Variants in PIGK observed in about 807,000 individuals in gnomAD.
PIGK encodes GPI-anchor transamidase.
PIGK carries 42 observed loss-of-function variants against 50.6 expected under a neutral mutation model. That is an observed-to-expected ratio of 0.83 (90% CI 0.65 to 1.07). The LOEUF is 1.07. PIGK is among the 50% of genes least tolerant of loss of function. The probability of loss-of-function intolerance (pLI) is 0.00; values close to 1 mark genes in which losing one functional copy is unlikely to be tolerated. For synonymous variants in PIGK, 151 were observed against 156.0 expected, an observed-to-expected ratio of 0.97 and a Z score of 0.24; for missense variants, 448 against 488.7, an observed-to-expected ratio of 0.92 and a Z score of 0.78.
At chr1:77,142,817 G>A (rs922750144) in intron 9 of PIGK, among the ~76,000 whole-genome samples, 1 of 152,118 alleles carries the variant, frequency 6.6e-6, no homozygotes. Flanking sequence ...TTACAATCCA[G>A]ATGAGATTTG....
intron 9 of PIGK, among the ~76,000 whole-genome samples, chr1:77,144,198 C>T (rs960805456): frequency 2.0e-5 from 3 of 151,868 alleles, no homozygotes; most frequent in Non-Finnish European, 4.4e-5. Flanking sequence ...TCTGTTAACT[C>T]ATTTAGAATG....
intron 3 of PIGK, among the ~76,000 whole-genome samples, chr1:77,196,809 C>T (rs1656049182): frequency 6.6e-6 from 1 of 152,100 alleles, no homozygotes; most frequent in African/African-American, 2.4e-5. Context: ...TGTGCAAAAG[C>T]TCTTTATTTT....
At chr1:77,104,076 A>T (rs1328490110) in intron 10 of PIGK, among the ~76,000 whole-genome samples, 1 of 152,076 alleles carries the variant, frequency 6.6e-6, no homozygotes, top group African/African-American at 2.4e-5. Context: ...CTTAAGAGCA[A>T]TTCTTAAAGT....
intron 10 of PIGK, among the ~76,000 whole-genome samples, chr1:77,114,569 T>C (rs1653921882): frequency 6.6e-6 from 1 of 152,120 alleles, no homozygotes; most frequent in African/African-American, 2.4e-5. Flanking sequence ...AGGGATGTAA[T>C]GACAAATTTG....
In PIGK at chr1:77,166,738, AT is replaced by A. The variant is rs1655243268; in HGVS notation, c.467del (p.Asn156IlefsTer3). ...AATTACCTGTCATATAAATTAGAAT[AT>A]TGCTTCTGTCATCAGAAAGAAGACG... is the stretch of plus-strand genomic sequence containing the variant. ...SKRLLSDDRS[N>X]ILIYMTGHGG... is the part of the protein sequence containing the mutation. On this transcript the variant is annotated frameshift_variant, in exon 5 of 11. Coordinates refer to ENST00000370812, the MANE Select transcript of PIGK (RefSeq NM_005482.3). LOFTEE classifies it high-confidence loss of function. The A allele has an allele frequency of 6.5e-7, 1 of 1,548,960 alleles. No homozygotes were observed. The highest frequency in any genetic ancestry group is 8.9e-7 in the Non-Finnish European group (1 of 1,127,590).
intron 9 of PIGK, among the ~76,000 whole-genome samples, chr1:77,124,545 G>A (rs1310013668): frequency 6.6e-6 from 1 of 151,430 alleles, no homozygotes; most frequent in African/African-American, 2.4e-5. Context: ...GGAGATGGAG[G>A]TTGCAGTGAG....
rs544886624 is a variant in PIGK, at chr1:77,129,540, C to A, written c.987-7181G>T. The A allele has an allele frequency of 2.3e-4, 293 of 1,277,866 alleles. 3 individuals carry two copies. In the African/African-American group the frequency reaches 3.9e-3, roughly 17 times the overall value. The allele number at this position is 1,277,866 out of a possible 1,614,324, so 79.2% of individuals were successfully genotyped here. ...TCGGATTAACCCATACATGAGCTCTCCCTGCCACATTGAGATGATCCTTAC... is the reference window on the plus strand; with the variant it reads ...TCGGATTAACCCATACATGAGCTCTACCTGCCACATTGAGATGATCCTTAC... On this transcript the variant is annotated intron_variant, in intron 9 of 10. Coordinates refer to ENST00000370812, the MANE Select transcript of PIGK (RefSeq NM_005482.3).
At position 77,096,899 on chromosome 1, in the gene PIGK, T is replaced by TTG. The variant is rs57780357; in HGVS notation, c.1072-4410_1072-4409insCA. 9.4e-3 allele frequency among the ~76,000 whole-genome samples: 1,334 copies of TTG among 141,180 alleles called. 17 individuals are homozygous for TTG. The highest frequency in any genetic ancestry group is 0.035 in the African/African-American group (1,258 of 36,188). 92.6% of individuals were successfully genotyped at this position (141,180 alleles called of 152,430 possible). ...GGTTTTTCTTTTTTTTTTTTTTTTG[T>TTG]TTTTTTGTTTTTTTGTTTTGTTTTG... On this transcript the variant is annotated intron_variant, in intron 10 of 10. Transcript: ENST00000370812.
At chr1:77,180,699 A>C (rs1255643059) in intron 3 of PIGK, among the ~76,000 whole-genome samples, 1 of 124,720 alleles carries the variant, frequency 8.0e-6, no homozygotes, top group Non-Finnish European at 1.6e-5. Context: ...AGGCAGGACA[A>C]CTAGAAGTGG....
chr1:77,129,062 A>C, intron 9 of PIGK: 3 of 804,918 alleles, frequency 3.7e-6, no homozygotes, highest in Non-Finnish European at 2.2e-6. Context: ...CAAATGCTTT[A>C]AATATTTACT....
intron 9 of PIGK, among the ~76,000 whole-genome samples, chr1:77,136,190 A>C (rs1254618650): frequency 6.6e-6 from 1 of 152,138 alleles, no homozygotes; most frequent in Non-Finnish European, 1.5e-5. Flanking sequence ...TCAGTACTTT[A>C]TTGGTATTAC....
At chr1:77,098,817 T>G (rs1653479454) in intron 10 of PIGK, among the ~76,000 whole-genome samples, 1 of 152,118 alleles carries the variant, frequency 6.6e-6, no homozygotes, top group African/African-American at 2.4e-5. Context: ...GGGAAATATT[T>G]TCACAAAAGA....
intron 9 of PIGK, among the ~76,000 whole-genome samples, chr1:77,152,909 T>C (rs998909126): frequency 7.9e-5 from 12 of 152,042 alleles, no homozygotes; most frequent in African/African-American, 2.2e-4. Context: ...TCATACACTA[T>C]TGGTGGGAAT....
chr1:77,142,824 T>A (rs1654678230), intron 9 of PIGK, among the ~76,000 whole-genome samples: 1 of 152,104 alleles, frequency 6.6e-6, no homozygotes, highest in African/African-American at 2.4e-5. Flanking sequence ...CCAGATGAGA[T>A]TTGAGTGGGG....
At chr1:77,139,046 T>G (rs1223559682) in intron 9 of PIGK, among the ~76,000 whole-genome samples, 1 of 152,076 alleles carries the variant, frequency 6.6e-6, no homozygotes, top group East Asian at 1.9e-4. Context: ...GGGTAAAGCC[T>G]TAGAAGTTAA....
intron 9 of PIGK, chr1:77,154,163 T>G (rs924749536): frequency 6.4e-6 from 3 of 465,490 alleles, no homozygotes; most frequent in African/African-American, 4.0e-5. Context: ...GGATAGCCAG[T>G]TATGGGAAAA....
rs946269217 is a variant in PIGK at position 77,089,670 on chromosome 1, A to G, written c.*2704T>C. 6.5e-6 allele frequency: 1 copy of G among 152,688 alleles called. No individual in the cohort carries two copies. The highest frequency in any genetic ancestry group is 2.4e-5 in the African/African-American group (1 of 41,466). The allele number at this position is 152,688 out of a possible 1,614,324, so 9.5% of individuals were successfully genotyped here. Reference sequence around the variant, plus strand: ...ATCATTTTCAACTAGCTGGGAATATATAAAAATCAAAACCATAAATGCATG... The same window carrying G: ...ATCATTTTCAACTAGCTGGGAATATGTAAAAATCAAAACCATAAATGCATG... On this transcript the variant is annotated 3_prime_UTR_variant, in exon 11 of 11. Transcript: ENST00000370812.
chr1:77,094,492 T>C (rs1157033376), intron 10 of PIGK, among the ~76,000 whole-genome samples: 2 of 152,118 alleles, frequency 1.3e-5, no homozygotes, highest in African/African-American at 4.8e-5. Flanking sequence ...AGTCATGTTT[T>C]TCAAAAAATG....
At chr1:77,191,024 ATC>A (rs1655892647) in intron 3 of PIGK, among the ~76,000 whole-genome samples, 2 of 152,176 alleles carry the variant, frequency 1.3e-5, no homozygotes, top group Admixed American at 1.3e-4. Context: ...CAAGTTCTCC[ATC>A]TCTTTCTTCC....
Sources: allele counts gnomAD v4.1 joint callset (sites outside exome capture counted in the v4.1 genomes callset), GRCh38; gene constraint gnomAD v4.1.1; transcripts MANE v1.5; gene names NCBI Gene and HGNC (gene_info 2026-07-23, HGNC 2026-07-21).